Variants in BRI3 observed in about 807,000 individuals in gnomAD.
BRI3 encodes brain protein I3.
Under a neutral mutation model 12.8 loss-of-function variants are expected in BRI3, and 6 were observed. The ratio of observed to expected loss-of-function variants is 0.47; its 90% CI spans 0.26 to 0.93. BRI3 has a LOEUF of 0.93. Ranked by LOEUF, BRI3 falls within the 40% of genes least tolerant of loss-of-function variation. BRI3 has a pLI of 0.15. For synonymous variants in BRI3, 91 were observed against 76.1 expected (o/e 1.20, Z -1.02); for missense variants, 134 against 171.1 (o/e 0.78, Z 1.21).
chr7:98,296,741 C>T (rs12704982), downstream of BRI3, among the ~76,000 whole-genome samples: 61,223 of 152,160 alleles, frequency 0.4, 13,438 homozygotes, highest in Middle Eastern at 0.54. Context: ...ACCTGAAACC[C>T]CAGCACTCCT....
the BRI3 span, chr7:98,320,404 T>C: frequency 8.8e-5 from 71 of 811,086 alleles, no homozygotes; most frequent in African/African-American, 1.1e-3. Context: ...GGCACGATCT[T>C]GGCCCGCTGC....
chr7:98,288,751 T>C (rs1035197396), intron 2 of BRI3, among the ~76,000 whole-genome samples: 1 of 151,928 alleles, frequency 6.6e-6, no homozygotes, highest in African/African-American at 2.4e-5. Context: ...TCCAAATGCA[T>C]ACCACTGTGT....
downstream of BRI3, among the ~76,000 whole-genome samples, chr7:98,294,535 A>G (rs945821478): frequency 3.3e-5 from 5 of 152,188 alleles, no homozygotes; most frequent in African/African-American, 1.2e-4. Context: ...GCCGCCTGCT[A>G]AACTCGGAAA....
chr7:98,313,975 TTTC>T (rs1416544552), downstream of BRI3, among the ~76,000 whole-genome samples: 1 of 143,892 alleles, frequency 6.9e-6, no homozygotes, highest in Non-Finnish European at 1.5e-5. Context: ...AATACTCCTT[TTTC>T]TTCCTTTTTT....
upstream of BRI3, among the ~76,000 whole-genome samples, chr7:98,305,550 G>T (rs553958312): frequency 6.6e-6 from 1 of 152,306 alleles, no homozygotes; most frequent in South Asian, 2.1e-4. Flanking sequence ...CTCCAGAGTA[G>T]ATGGGACAAT....
chr7:98,284,778 G>A (rs980935840), intron 2 of BRI3, among the ~76,000 whole-genome samples: 4 of 152,180 alleles, frequency 2.6e-5, no homozygotes, highest in East Asian at 1.9e-4. Context: ...CTTTCTAGCC[G>A]TTTATGAGGA....
At chr7:98,306,014 G>T (rs547890527), upstream of BRI3, among the ~76,000 whole-genome samples, 1 of 152,294 alleles carries the variant, frequency 6.6e-6, no homozygotes, top group African/African-American at 2.4e-5. Flanking sequence ...GGTGCAAAGA[G>T]CTGGTGAGGC....
At chr7:98,308,570 C>T (rs1800752206) in exon 2 of BRI3, 1 of 332,598 alleles carries the variant, frequency 3.0e-6, no homozygotes, top group Non-Finnish European at 6.0e-6. Context: ...GCAGGTTTGT[C>T]CCATACTCTC....
the BRI3 span, among the ~76,000 whole-genome samples, chr7:98,321,989 G>A: frequency 6.6e-6 from 1 of 152,124 alleles, no homozygotes. Flanking sequence ...CCAGCTACTT[G>A]GGAGGCTGAG....
intron 2 of BRI3, among the ~76,000 whole-genome samples, chr7:98,289,322 C>T (rs77811461): frequency 0.02 from 3,000 of 152,332 alleles, 106 homozygotes; most frequent in African/African-American, 0.069. Context: ...CCATAATCCC[C>T]GGAGAAGCAG....
At chr7:98,314,774 G>A (rs946277330), downstream of BRI3, among the ~76,000 whole-genome samples, 1 of 152,148 alleles carries the variant, frequency 6.6e-6, no homozygotes, top group African/African-American at 2.4e-5. Flanking sequence ...CGCCCAGGTG[G>A]GGTAGACCTG....
downstream of BRI3, chr7:98,293,525 C>G: frequency 1.9e-6 from 3 of 1,613,228 alleles, no homozygotes; most frequent in Non-Finnish European, 2.5e-6. Flanking sequence ...GTCCTCTCAT[C>G]GAATGATGGG....
intron 2 of BRI3, among the ~76,000 whole-genome samples, chr7:98,290,444 C>T (rs1378289913): frequency 2.0e-5 from 3 of 151,928 alleles, no homozygotes; most frequent in Non-Finnish European, 4.4e-5. Flanking sequence ...ATCCACCCGC[C>T]TCGGCCTCCC....
chr7:98,288,473 C>T (rs1381521541), intron 2 of BRI3, among the ~76,000 whole-genome samples: 2 of 151,972 alleles, frequency 1.3e-5, no homozygotes, highest in Non-Finnish European at 2.9e-5. Context: ...CCTTCTGGGG[C>T]TTAAATAGGG....
chr7:98,320,322 A>G, the BRI3 span: 4 of 1,543,438 alleles, frequency 2.6e-6, no homozygotes, highest in African/African-American at 4.2e-5. Flanking sequence ...CAGATATGTT[A>G]GCGGGAAGCC....
At chr7:98,289,983 T>C (rs1345754373) in intron 2 of BRI3, among the ~76,000 whole-genome samples, 1 of 152,126 alleles carries the variant, frequency 6.6e-6, no homozygotes, top group African/African-American at 2.4e-5. Flanking sequence ...TGAGATCACA[T>C]TTCTCAAAAT....
intron 2 of BRI3, among the ~76,000 whole-genome samples, chr7:98,287,382 C>A (rs1020616643): frequency 2.6e-5 from 4 of 152,216 alleles, no homozygotes; most frequent in Admixed American, 2.6e-4. Flanking sequence ...TGTGCTCTGG[C>A]TGAGGATGGG....
chr7:98,299,968 G>A (rs1800354325), intron 1 of BRI3, among the ~76,000 whole-genome samples: 1 of 152,190 alleles, frequency 6.6e-6, no homozygotes, highest in African/African-American at 2.4e-5. Flanking sequence ...TTGAGCCCGG[G>A]AAGTGGAGGT....
At chr7:98,317,498 C>T in the BRI3 span, 3 of 1,000,716 alleles carry the variant, frequency 3.0e-6, no homozygotes, top group Non-Finnish European at 4.5e-6. Context: ...CTGGCTGGGG[C>T]CCCCACACCC....
Sources: gnomAD v4.1 joint callset for allele counts (sites outside exome capture counted in the v4.1 genomes callset) on GRCh38, gnomAD v4.1.1 for gene constraint, MANE v1.5 for transcripts, NCBI Gene and HGNC (gene_info 2026-07-23, HGNC 2026-07-21) for gene names.